Variants in OPCML observed in about 807,000 individuals in gnomAD.
OPCML encodes opioid binding protein/cell adhesion molecule like, also known as opioid-binding protein/cell adhesion molecule.
In OPCML, 13 loss-of-function variants were observed where a neutral mutation model predicts 37.8. That is an observed-to-expected ratio of 0.34 (90% CI 0.22 to 0.55). The LOEUF (loss-of-function observed/expected upper bound fraction) is 0.55, where lower values mean the gene tolerates loss of function less well. Among genes scored for constraint, OPCML ranks in the 20% least tolerant of loss-of-function variants. The pLI, the probability that OPCML is intolerant of heterozygous loss-of-function variation, is 0.91. For missense variants in OPCML, 341 were observed against 435.6 expected (o/e 0.78, Z 1.93); for synonymous variants, 176 against 168.8 (o/e 1.04, Z -0.33).
At chr11:132,724,830 T>C (rs184825036) in intron 2 of OPCML, among the ~76,000 whole-genome samples, 2 of 152,284 alleles carry the variant, frequency 1.3e-5, no homozygotes, top group Non-Finnish European at 2.9e-5. Context: ...AAGTCTGAAA[T>C]CCAGTAGGGC....
intron 1 of OPCML, among the ~76,000 whole-genome samples, chr11:133,120,506 T>C (rs1949404002): frequency 6.6e-6 from 1 of 152,130 alleles, no homozygotes. Flanking sequence ...CTGATAGGAT[T>C]CTCTCAACCA....
chr11:133,180,681 A>G (rs1345920294), intron 1 of OPCML, among the ~76,000 whole-genome samples: 1 of 151,982 alleles, frequency 6.6e-6, no homozygotes, highest in Non-Finnish European at 1.5e-5. Flanking sequence ...TGAGCGTCCT[A>G]CCTTGCTTTC....
At chr11:133,323,670 G>A (rs1316961850) in intron 1 of OPCML, among the ~76,000 whole-genome samples, 1 of 152,182 alleles carries the variant, frequency 6.6e-6, no homozygotes. Flanking sequence ...CCAGGCAGGA[G>A]AAGTGAATAT....
At chr11:133,128,372 T>C (rs1429290551) in intron 1 of OPCML, among the ~76,000 whole-genome samples, 1 of 152,146 alleles carries the variant, frequency 6.6e-6, no homozygotes, top group African/African-American at 2.4e-5. Context: ...AGCCTCCCCT[T>C]CCATTTCGAA....
chr11:132,568,962 A>G (rs2096430910), intron 3 of OPCML, among the ~76,000 whole-genome samples: 1 of 152,258 alleles, frequency 6.6e-6, no homozygotes, highest in Non-Finnish European at 1.5e-5. Flanking sequence ...ATAAATAGCT[A>G]TGCTGAAAAG....
At chr11:133,229,918 A>C (rs1940204539) in intron 1 of OPCML, among the ~76,000 whole-genome samples, 1 of 152,220 alleles carries the variant, frequency 6.6e-6, no homozygotes, top group South Asian at 2.1e-4. Context: ...TGTGGCGTGA[A>C]TACATCATTT....
At chr11:133,024,946 T>G (rs1947523500) in intron 1 of OPCML, 1 of 985,304 alleles carries the variant, frequency 1.0e-6, no homozygotes, top group Non-Finnish European at 1.2e-6. Context: ...CCTGAACCAA[T>G]GCGCACTGCA....
intron 1 of OPCML, among the ~76,000 whole-genome samples, chr11:133,303,006 C>A (rs1942817864): frequency 6.6e-6 from 1 of 152,174 alleles, no homozygotes; most frequent in African/African-American, 2.4e-5. Context: ...GACTAACACT[C>A]TTCACGAACT....
In OPCML at chr11:133,055,516, C is replaced by A. The variant is rs1003242601; in HGVS notation, c.62-112506G>T. On this transcript the variant is annotated intron_variant, in intron 1 of 7. Coordinates refer to ENST00000524381, the MANE Select transcript of OPCML (RefSeq NM_001012393.5). ...TCCATGATACTTCCAAGTGGTGAGA[C>A]CCCATGAGGGAGACGCCTCTACCGT... Among the ~76,000 whole-genome samples, 14 of 149,950 alleles carry A rather than the reference C, an allele frequency of 9.3e-5. 1 individual carries two copies. The highest frequency in any genetic ancestry group is 3.0e-4 in the African/African-American group (12 of 40,420).
intron 1 of OPCML, among the ~76,000 whole-genome samples, chr11:133,416,142 C>T (rs1315762969): frequency 6.6e-6 from 1 of 152,050 alleles, no homozygotes; most frequent in African/African-American, 2.4e-5. Context: ...AGCAGCAACA[C>T]AAAATAACAT....
In OPCML at chr11:132,943,149, C is replaced by T; in HGVS notation, c.62-139G>A. 2 of 1,603,730 alleles carry T rather than the reference C, an allele frequency of 1.2e-6. No individual in the cohort carries two copies. Among genetic ancestry groups the T allele is most frequent in the Non-Finnish European group, 1.7e-6 (2 of 1,171,900 alleles). On this transcript the variant is annotated intron_variant, in intron 1 of 7. Coordinates refer to ENST00000524381, the MANE Select transcript of OPCML (RefSeq NM_001012393.5). The surrounding 1 kb of genome is among the most constrained non-coding windows in gnomAD (Gnocchi z 4.3). ...CAGCCGCACAGTCCTGGTCCCCCGC[C>T]CCGCGCACCAGCGGGCTCGGGAAGC...
intron 1 of OPCML, among the ~76,000 whole-genome samples, chr11:133,443,235 C>A (rs1166265280): frequency 6.6e-6 from 1 of 152,104 alleles, no homozygotes; most frequent in Non-Finnish European, 1.5e-5. Context: ...CTTGAAAGAG[C>A]CCCAACCAAT....
intron 4 of OPCML, among the ~76,000 whole-genome samples, chr11:132,526,758 C>T (rs904853079): frequency 6.6e-6 from 1 of 152,080 alleles, no homozygotes; most frequent in African/African-American, 2.4e-5. Context: ...AATATAATTA[C>T]CTACAATAAA....
At chr11:133,439,002 G>T (rs1330023020) in intron 1 of OPCML, among the ~76,000 whole-genome samples, 1 of 152,098 alleles carries the variant, frequency 6.6e-6, no homozygotes, top group African/African-American at 2.4e-5. Context: ...CCATTTACTT[G>T]TTCCTGAGTT....
At chr11:133,441,393 T>C (rs567589143) in intron 1 of OPCML, among the ~76,000 whole-genome samples, 1 of 152,120 alleles carries the variant, frequency 6.6e-6, no homozygotes, top group Non-Finnish European at 1.5e-5. Context: ...AAGAAACAGA[T>C]CCATGAATTC....
chr11:132,543,679 G>T (rs967161886), intron 3 of OPCML, among the ~76,000 whole-genome samples: 1 of 152,012 alleles, frequency 6.6e-6, no homozygotes, highest in South Asian at 2.1e-4. Flanking sequence ...GTGGACCAGG[G>T]CTTGGGTGTA....
At chr11:132,798,745 A>C (rs1938476294) in intron 2 of OPCML, among the ~76,000 whole-genome samples, 1 of 152,184 alleles carries the variant, frequency 6.6e-6, no homozygotes, top group Non-Finnish European at 1.5e-5. Context: ...AAGGTGTTCA[A>C]TTTACTTTGC....
In OPCML at chr11:133,291,893, G is replaced by A. The variant is rs116587362; in HGVS notation, c.61+240371C>T. On this transcript the variant is annotated intron_variant, in intron 1 of 7. Coordinates refer to ENST00000524381, the MANE Select transcript of OPCML (RefSeq NM_001012393.5). ...GCCTCCCACCCCAGGGCCTGTGGCC[G>A]GCTTGTGTGTGAGAAGCCAGCTCGC... is the stretch of plus-strand genomic sequence containing the variant. Among the ~76,000 whole-genome samples, 249 of 152,332 alleles carry A rather than the reference G, an allele frequency of 1.6e-3. 1 individual carries two copies. The highest frequency in any genetic ancestry group is 5.6e-3 in the African/African-American group (233 of 41,574).
chr11:132,652,381 C>CACACACAT (rs1439031155), intron 3 of OPCML, among the ~76,000 whole-genome samples: 1 of 150,438 alleles, frequency 6.6e-6, no homozygotes, highest in African/African-American at 2.5e-5. Context: ...CACACACACA[C>CACACACAT]ACACAGAGAG....
Sources: gnomAD v4.1 joint callset for allele counts (sites outside exome capture counted in the v4.1 genomes callset) on GRCh38, gnomAD v4.1.1 for gene constraint, Gnocchi (gnomAD v3.1) non-coding constraint, MANE v1.5 for transcripts, NCBI Gene and HGNC (gene_info 2026-07-23, HGNC 2026-07-21) for gene names.